Variants in DDX10 observed in about 807,000 individuals in gnomAD.
DDX10 encodes DEAD-box helicase 10, also known as probable ATP-dependent RNA helicase DDX10.
In DDX10, 74 loss-of-function variants were observed where a neutral mutation model predicts 104.3. That is an observed-to-expected ratio of 0.71 (90% CI 0.59 to 0.86). The LOEUF (loss-of-function observed/expected upper bound fraction) is 0.86. Ranked by LOEUF, DDX10 falls within the 40% of genes least tolerant of loss-of-function variation. DDX10 has a pLI of 0.00. For synonymous variants in DDX10, 351 were observed against 353.4 expected, an observed-to-expected ratio of 0.99 and a Z score of 0.08; for missense variants, 952 against 1,040.0, an observed-to-expected ratio of 0.92 and a Z score of 1.16.
chr11:108,908,193 G>T (rs1359725256), intron 16 of DDX10, among the ~76,000 whole-genome samples: 1 of 152,144 alleles, frequency 6.6e-6, no homozygotes, highest in East Asian at 1.9e-4. Flanking sequence ...AACTACTGAG[G>T]ATGGTCAGCT....
chr11:108,940,246 T>A lies in DDX10; in HGVS notation c.2451T>A (p.Ser817Arg), dbSNP rs951615277. 1 of 1,613,678 alleles carries A rather than the reference T, an allele frequency of 6.2e-7. No homozygotes were observed. The highest frequency in any genetic ancestry group is 1.3e-5 in the African/African-American group (1 of 75,010). Residue 817 changes from serine (S) to arginine (R), a missense_variant and splice_region_variant, in exon 18 of 18, where the codon AGT becomes AGA. Physicochemically the swap from Ser to Arg is moderately radical, Grantham distance 110. Transcript: ENST00000322536. ...SDSEDMENKISDTKKKQGMKK... is the reference protein window; with the variant it reads ...SDSEDMENKIRDTKKKQGMKK... ...AAATCTTTGGATTTCTTCTCACCAG[T>A]GATACCAAGAAGAAGCAGGGGATGA... is the stretch of plus-strand genomic sequence containing the variant.
At chr11:108,917,753 G>A in intron 16 of DDX10, 120 bp from the exon 17 acceptor site, 1 of 974,490 alleles carries the variant, frequency 1.0e-6, no homozygotes, top group Non-Finnish European at 1.5e-6. Flanking sequence ...GCCTACACCA[G>A]AAGAGAAAGC....
intron 13 of DDX10, among the ~76,000 whole-genome samples, chr11:108,738,884 A>C (rs11212774): frequency 0.52 from 79,602 of 151,908 alleles, 21,962 homozygotes; most frequent in Non-Finnish European, 0.61. Context: ...CTGCCCCTCA[A>C]GTCCCACAGG....
intron 16 of DDX10, among the ~76,000 whole-genome samples, chr11:108,897,729 AAT>A (rs2134645463): frequency 6.6e-6 from 1 of 152,162 alleles, no homozygotes; most frequent in South Asian, 2.1e-4. Context: ...CCATGACACT[AAT>A]ATATGTCTTT....
At chr11:108,896,138 G>T (rs890874720) in intron 16 of DDX10, among the ~76,000 whole-genome samples, 1 of 152,118 alleles carries the variant, frequency 6.6e-6, no homozygotes, top group Non-Finnish European at 1.5e-5. Flanking sequence ...GATCATAGGC[G>T]TAAGAATTGT....
chr11:108,691,973 A>T lies in DDX10; in HGVS notation c.1073A>T (p.Tyr358Phe). Reference sequence around the variant, plus strand: ...CAGCAAATGAGAAGAATGGAAGTCTATAATGAGTTTGTCCGTAAGAGAGCT... The same window carrying T: ...CAGCAAATGAGAAGAATGGAAGTCTTTAATGAGTTTGTCCGTAAGAGAGCT... ...RQQQMRRMEV[Y>F]NEFVRKRAAV... is the part of the protein sequence containing the mutation. Residue 358 changes from tyrosine (Y) to phenylalanine (F), a missense_variant, in exon 8 of 18, where the codon TAT (tyrosine) becomes TTT (phenylalanine). Tyr to Phe is a conservative substitution (Grantham distance 22, BLOSUM62 3). This residue lies in a region of DDX10 where 412 missense variants were observed against 479.2 expected (regional missense o/e 0.86). Transcript: ENST00000322536. The T allele has an allele frequency of 6.2e-7, 1 of 1,614,168 alleles. No homozygotes were observed. Among genetic ancestry groups the T allele is most frequent in the South Asian group, 1.1e-5 (1 of 91,076 alleles).
intron 16 of DDX10, among the ~76,000 whole-genome samples, chr11:108,901,549 A>C (rs1229058307): frequency 6.6e-6 from 1 of 152,188 alleles, no homozygotes; most frequent in Non-Finnish European, 1.5e-5. Context: ...TAGTTTTGTG[A>C]ACATTCTGGG....
chr11:108,767,146 A>G (rs1001303962), intron 13 of DDX10, among the ~76,000 whole-genome samples: 5 of 152,102 alleles, frequency 3.3e-5, no homozygotes, highest in African/African-American at 1.2e-4. Flanking sequence ...GCATCTTCAT[A>G]TGATTTCAGC....
At chr11:108,774,937 T>C (rs187764599) in intron 13 of DDX10, among the ~76,000 whole-genome samples, 2 of 152,320 alleles carry the variant, frequency 1.3e-5, no homozygotes, top group African/African-American at 2.4e-5. Flanking sequence ...TATCAATTTA[T>C]ATGACTGGGT....
At chr11:108,734,117 G>A (rs564988886) in intron 13 of DDX10, among the ~76,000 whole-genome samples, 1 of 151,800 alleles carries the variant, frequency 6.6e-6, no homozygotes, top group Non-Finnish European at 1.5e-5. Context: ...TCTTTTTCTT[G>A]ACATTTCATA....
intron 4 of DDX10, among the ~76,000 whole-genome samples, chr11:108,677,666 G>T (rs1422506673): frequency 6.7e-6 from 1 of 149,470 alleles, no homozygotes; most frequent in Middle Eastern, 3.2e-3. Flanking sequence ...GTCAAGATAA[G>T]ACCTGCTGCT....
intron 13 of DDX10, among the ~76,000 whole-genome samples, chr11:108,729,372 A>G (rs1419009900): frequency 6.6e-6 from 1 of 152,164 alleles, no homozygotes; most frequent in Non-Finnish European, 1.5e-5. Flanking sequence ...GGCCTGATAA[A>G]CTATCAGTCC....
chr11:108,806,076 C>T (rs189102807), intron 13 of DDX10, among the ~76,000 whole-genome samples: 1 of 152,266 alleles, frequency 6.6e-6, no homozygotes, highest in Admixed American at 6.5e-5. Context: ...TTTCTCCTGC[C>T]TCAGCCTCCT....
intron 13 of DDX10, among the ~76,000 whole-genome samples, chr11:108,726,549 A>G (rs550079598): frequency 6.6e-6 from 1 of 152,210 alleles, no homozygotes; most frequent in South Asian, 2.1e-4. Context: ...TGATCATTCT[A>G]AACTGACCTG....
chr11:108,844,294 A>C (rs1382786323), intron 15 of DDX10, among the ~76,000 whole-genome samples: 2 of 152,246 alleles, frequency 1.3e-5, no homozygotes, highest in African/African-American at 4.8e-5. Flanking sequence ...TAATTAGAAT[A>C]GTTTTCTCTA....
intron 17 of DDX10, among the ~76,000 whole-genome samples, chr11:108,932,397 G>A (rs1208621067): frequency 6.6e-6 from 1 of 151,896 alleles, no homozygotes; most frequent in Non-Finnish European, 1.5e-5. Flanking sequence ...TGAGGCAGGA[G>A]GATTGTGTCA....
chr11:108,771,835 A>G (rs953189167), intron 13 of DDX10, among the ~76,000 whole-genome samples: 3 of 152,066 alleles, frequency 2.0e-5, no homozygotes, highest in Non-Finnish European at 2.9e-5. Context: ...GACAATGTTG[A>G]TATGTTTGCT....
At chr11:108,904,227 C>A (rs192806398) in intron 16 of DDX10, among the ~76,000 whole-genome samples, 12 of 152,198 alleles carry the variant, frequency 7.9e-5, no homozygotes, top group Admixed American at 7.9e-4. Flanking sequence ...GCGACTGAGG[C>A]CTCTTTACAA....
intron 13 of DDX10, among the ~76,000 whole-genome samples, chr11:108,786,320 T>C (rs1861789870): frequency 6.6e-6 from 1 of 151,814 alleles, no homozygotes; most frequent in African/African-American, 2.4e-5. Context: ...GAACAATGTA[T>C]ATTCTATGGT....
Sources: allele counts gnomAD v4.1 joint callset (sites outside exome capture counted in the v4.1 genomes callset), GRCh38; gene constraint gnomAD v4.1.1; regional missense constraint gnomAD v4.1.1; transcripts MANE v1.5; gene names NCBI Gene and HGNC (gene_info 2026-07-23, HGNC 2026-07-21).